Variants in AGBL1 observed in about 807,000 individuals in gnomAD.
AGBL1 encodes cytosolic carboxypeptidase 4.
Under a neutral mutation model 118.9 loss-of-function variants are expected in AGBL1, and 130 were observed. The ratio of observed to expected loss-of-function variants is 1.09; its 90% confidence interval spans 0.95 to 1.26. The LOEUF is 1.26. Among genes scored for constraint, AGBL1 ranks in the 50% most tolerant of loss-of-function variants. The pLI, the probability that AGBL1 is intolerant of heterozygous loss-of-function variation, is 0.00. For missense variants in AGBL1, 1,584 were observed against 1,298.1 expected (o/e 1.22, Z -3.38); for synonymous variants, 555 against 478.9 (o/e 1.16, Z -2.08).
In AGBL1 at chr15:86,320,815, G is replaced by A. The variant is rs1196489029; in HGVS notation, c.2374+25407G>A. On this transcript the variant is annotated intron_variant, in intron 17 of 22. Coordinates refer to ENST00000614907, the MANE Select transcript of AGBL1 (RefSeq NM_001386094.1). ...TATAAGATTTTTAACATGAATGGAT[G>A]TTGAATTTTATTACATGCTTCTTCC... Among the ~76,000 whole-genome samples, 3 of 151,976 alleles carry A rather than the reference G, an allele frequency of 2.0e-5. No homozygotes were observed. In the East Asian group the frequency reaches 5.8e-4, roughly 29 times the overall value.
At chr15:86,208,919 T>C (rs1432634288) in intron 5 of AGBL1, among the ~76,000 whole-genome samples, 2 of 152,230 alleles carry the variant, frequency 1.3e-5, no homozygotes, top group Non-Finnish European at 2.9e-5. Context: ...GGGTGTCGAT[T>C]TTAGATCTTT....
chr15:86,764,134 G>T (rs910703228), intron 22 of AGBL1, among the ~76,000 whole-genome samples: 1 of 151,972 alleles, frequency 6.6e-6, no homozygotes, highest in African/African-American at 2.4e-5. Flanking sequence ...GGAGAAAGTG[G>T]GTTGGATTAG....
At chr15:87,023,488 A>G (rs2081690679) in intron 24 of AGBL1, among the ~76,000 whole-genome samples, 1 of 152,104 alleles carries the variant, frequency 6.6e-6, no homozygotes, top group Non-Finnish European at 1.5e-5. Context: ...TAAAACAATT[A>G]CTAATAGACC....
chr15:86,632,622 C>A (rs2142440492), intron 21 of AGBL1, among the ~76,000 whole-genome samples: 1 of 143,450 alleles, frequency 7.0e-6, no homozygotes, highest in East Asian at 2.2e-4. Flanking sequence ...ATAACTAAAT[C>A]TCATCATGTT....
rs1445005143 is a variant in AGBL1, at chr15:86,458,334, A to G, written c.2555+60788A>G. Among the ~76,000 whole-genome samples the G allele has an allele frequency of 3.3e-5, 5 of 152,314 alleles. No individual in the cohort carries two copies. The East Asian group carries it at 9.6e-4, about 29-fold the overall frequency. ...ATATATTATGCCATATGTAGTCTAT[A>G]TGATGATGTATTATAATAATTTACA... On this transcript the variant is annotated intron_variant, in intron 18 of 22. Transcript: ENST00000614907.
intron 5 of AGBL1, among the ~76,000 whole-genome samples, chr15:86,196,875 GCGCGCA>G (rs1223217482): frequency 3.5e-5 from 3 of 86,696 alleles, no homozygotes; most frequent in African/African-American, 1.2e-4. Flanking sequence ...ATGTGCGCGC[GCGCGCA>G]CACACACACA....
intron 5 of AGBL1, among the ~76,000 whole-genome samples, chr15:86,191,108 C>G (rs1053845565): frequency 2.0e-5 from 3 of 151,996 alleles, no homozygotes; most frequent in African/African-American, 7.3e-5. Flanking sequence ...CTTTGGGAGA[C>G]TGAGGCGGGG....
intron 3 of AGBL1, among the ~76,000 whole-genome samples, chr15:86,153,717 C>A (rs1293942438): frequency 3.9e-5 from 6 of 152,112 alleles, no homozygotes; most frequent in African/African-American, 1.4e-4. Context: ...TGTCTTTTGA[C>A]TTTTTATTAT....
At chr15:86,261,280 A>G (rs1211965937) in intron 9 of AGBL1, among the ~76,000 whole-genome samples, 1 of 152,148 alleles carries the variant, frequency 6.6e-6, no homozygotes, top group Non-Finnish European at 1.5e-5. Flanking sequence ...TGTTTCCCTT[A>G]GTACCACCCT....
At chr15:86,516,811 A>G (rs2083127504) in intron 18 of AGBL1, among the ~76,000 whole-genome samples, 2 of 151,862 alleles carry the variant, frequency 1.3e-5, no homozygotes, top group Non-Finnish European at 2.9e-5. Flanking sequence ...AAAAAAAAAA[A>G]AAAGTGATTT....
At chr15:86,474,538 A>G (rs1048595975) in intron 18 of AGBL1, among the ~76,000 whole-genome samples, 3 of 152,198 alleles carry the variant, frequency 2.0e-5, no homozygotes, top group Non-Finnish European at 4.4e-5. Flanking sequence ...AGGGGCACCC[A>G]CCATTGCTGA....
chr15:86,222,170 A>G (rs1176977011), intron 5 of AGBL1, among the ~76,000 whole-genome samples: 1 of 152,130 alleles, frequency 6.6e-6, no homozygotes, highest in Non-Finnish European at 1.5e-5. Context: ...TTGCCTGGCT[A>G]TGATGATCAT....
intron 23 of AGBL1, among the ~76,000 whole-genome samples, chr15:86,935,752 CAA>C (rs202120815): frequency 0.01 from 1,523 of 152,268 alleles, 10 homozygotes; most frequent in Non-Finnish European, 0.015. Context: ...GTGGGATTTG[CAA>C]AGAGAGCCGC....
Position 86,708,280 on chromosome 15 carries a change from G to C in AGBL1, c.3158+33844G>C, listed in dbSNP as rs1367419099. Among the ~76,000 whole-genome samples the C allele has an allele frequency of 4.6e-5, 7 of 152,036 alleles. No homozygotes were observed. The East Asian group carries it at 1.4e-3, about 29-fold the overall frequency. On this transcript the variant is annotated intron_variant, in intron 22 of 22. Transcript: ENST00000614907. The stretch of plus-strand genomic sequence containing the variant: ...GATTAAATGAGATCATAAGGGCAGG[G>C]TTCTGATCTCATAAGGTTAGTGTCC...
intron 17 of AGBL1, among the ~76,000 whole-genome samples, chr15:86,385,041 G>T (rs192498427): frequency 6.6e-6 from 1 of 152,114 alleles, no homozygotes; most frequent in East Asian, 1.9e-4. Flanking sequence ...CTTTCAATCC[G>T]GCAGCCACGA....
At chr15:86,791,512 A>C (rs2078492824) in intron 22 of AGBL1, among the ~76,000 whole-genome samples, 1 of 152,098 alleles carries the variant, frequency 6.6e-6, no homozygotes, top group Admixed American at 6.6e-5. Context: ...TTTCAAGCTC[A>C]GTACTCCTTA....
At chr15:86,879,480 G>C (rs1420043142) in intron 22 of AGBL1, among the ~76,000 whole-genome samples, 2 of 152,052 alleles carry the variant, frequency 1.3e-5, no homozygotes, top group Non-Finnish European at 2.9e-5. Context: ...GTTGCTCTTG[G>C]TCTCCTTCAG....
intron 5 of AGBL1, among the ~76,000 whole-genome samples, chr15:86,162,326 A>G (rs944687209): frequency 6.6e-6 from 1 of 152,120 alleles, no homozygotes; most frequent in African/African-American, 2.4e-5. Context: ...TTGTGTCATG[A>G]TGACTCCTCC....
intron 5 of AGBL1, among the ~76,000 whole-genome samples, chr15:86,213,125 G>T (rs372341245): frequency 6.6e-6 from 1 of 152,170 alleles, no homozygotes; most frequent in Non-Finnish European, 1.5e-5. Context: ...GTCTGGAACC[G>T]CAGACCTTAG....
Sources: allele counts gnomAD v4.1 joint callset (sites outside exome capture counted in the v4.1 genomes callset), GRCh38; gene constraint gnomAD v4.1.1; transcripts MANE v1.5; gene names NCBI Gene and HGNC (gene_info 2026-07-23, HGNC 2026-07-21).